The following CCDC148 variants were observed in gnomAD, a reference collection of about 807,000 sequenced individuals.
The protein encoded by CCDC148 is coiled-coil domain containing 148.
In CCDC148, 89 loss-of-function variants were observed where a neutral mutation model predicts 85.7. The observed-to-expected ratio is 1.04, with a 90% CI of 0.87 to 1.24. The LOEUF is 1.24. Among genes scored for constraint, CCDC148 ranks in the 50% most tolerant of loss-of-function variants. CCDC148 has a pLI of 0.00. For synonymous variants in CCDC148, 230 were observed against 213.9 expected, an observed-to-expected ratio of 1.08 and a Z score of -0.66; for missense variants, 692 against 671.7, an observed-to-expected ratio of 1.03 and a Z score of -0.33.
chr2:158,325,544 C>T (rs1316961768), intron 7 of CCDC148, among the ~76,000 whole-genome samples: 1 of 152,158 alleles, frequency 6.6e-6, no homozygotes. Context: ...CATCCAATCT[C>T]ATGCTAATGA....
rs1477014345 is a variant in CCDC148, at chr2:158,247,559, T to C, written c.1251+3213A>G. The stretch of plus-strand genomic sequence containing the variant: ...CTAGCTCACTTCTACTACGGAACAC[T>C]ATGTAGCAATTAAAAGGCCGGGCAT... On this transcript the variant is annotated intron_variant, in intron 10 of 13. Transcript: ENST00000283233. Among the ~76,000 whole-genome samples, 3 of 152,040 alleles carry C rather than the reference T, an allele frequency of 2.0e-5. 1 individual carries two copies. Among genetic ancestry groups the C allele is most frequent in the Middle Eastern group, 6.3e-3 (2 of 316 alleles).
At chr2:158,395,421 T>G (rs1286730002) in intron 1 of CCDC148, among the ~76,000 whole-genome samples, 1 of 152,116 alleles carries the variant, frequency 6.6e-6, no homozygotes, top group Non-Finnish European at 1.5e-5. Flanking sequence ...ATTAACTTCA[T>G]GTTAACAAGT....
intron 1 of CCDC148, among the ~76,000 whole-genome samples, chr2:158,426,347 A>C (rs1228985484): frequency 3.9e-5 from 6 of 152,112 alleles, no homozygotes. Context: ...AGTTAACTGC[A>C]AATGCCGTGT....
At chr2:158,299,877 A>G (rs1331150588) in intron 9 of CCDC148, among the ~76,000 whole-genome samples, 1 of 152,032 alleles carries the variant, frequency 6.6e-6, no homozygotes, top group East Asian at 1.9e-4. Flanking sequence ...AGTTCAAGTG[A>G]TATTTATTCA....
At chr2:158,288,917 G>A (rs528378750) in intron 9 of CCDC148, 3 of 275,464 alleles carry the variant, frequency 1.1e-5, no homozygotes, top group Non-Finnish European at 2.1e-5. Flanking sequence ...GAGGCAAAAG[G>A]CACTTCATAC....
chr2:158,281,860 T>C (rs1485331081), intron 9 of CCDC148, among the ~76,000 whole-genome samples: 2 of 152,122 alleles, frequency 1.3e-5, no homozygotes, highest in Non-Finnish European at 1.5e-5. Flanking sequence ...TTGATGAACA[T>C]TGATGCAAAA....
intron 7 of CCDC148, among the ~76,000 whole-genome samples, chr2:158,322,460 TC>T (rs983378629): frequency 2.0e-5 from 3 of 152,080 alleles, no homozygotes; most frequent in Non-Finnish European, 4.4e-5. Context: ...TAGTTTTTTT[TC>T]ATTTTTATAA....
At chr2:158,280,434 G>C (rs949401639) in intron 9 of CCDC148, among the ~76,000 whole-genome samples, 12 of 152,102 alleles carry the variant, frequency 7.9e-5, no homozygotes, top group South Asian at 2.1e-4. Flanking sequence ...GGAGGAAGAT[G>C]TACCAAGCAA....
At chr2:158,229,480 A>G (rs1157513803) in intron 10 of CCDC148, among the ~76,000 whole-genome samples, 1 of 152,226 alleles carries the variant, frequency 6.6e-6, no homozygotes, top group Non-Finnish European at 1.5e-5. Context: ...ATCTTCAATG[A>G]CAATAAGCAT....
chr2:158,328,842 C>T (rs1692934963), intron 7 of CCDC148, among the ~76,000 whole-genome samples: 1 of 152,262 alleles, frequency 6.6e-6, no homozygotes, highest in East Asian at 1.9e-4. Context: ...ATATCCTTCA[C>T]CCACTTTTTG....
chr2:158,269,546 A>C (rs1227252120), intron 9 of CCDC148, among the ~76,000 whole-genome samples: 1 of 152,154 alleles, frequency 6.6e-6, no homozygotes, highest in African/African-American at 2.4e-5. Context: ...GAAAGTTTAT[A>C]CCCTATTGGT....
chr2:158,323,815 T>C (rs1692630124), intron 7 of CCDC148, among the ~76,000 whole-genome samples: 1 of 151,824 alleles, frequency 6.6e-6, no homozygotes, highest in Admixed American at 6.6e-5. Context: ...AATGGTCTCC[T>C]CTTCACCCTT....
intron 11 of CCDC148, among the ~76,000 whole-genome samples, chr2:158,189,038 A>G (rs1039475830): frequency 2.0e-5 from 3 of 152,018 alleles, no homozygotes; most frequent in Non-Finnish European, 2.9e-5. Flanking sequence ...CCACAATGAG[A>G]TACCATCTCA....
rs1035532213 is a variant in CCDC148 at position 158,389,545 on chromosome 2, C to T, written c.26-30975G>A. Among the ~76,000 whole-genome samples, 11 of 152,140 alleles carry T rather than the reference C, an allele frequency of 7.2e-5. No individual in the cohort carries two copies. In the South Asian group the frequency reaches 1.0e-3, roughly 14 times the overall value. On this transcript the variant is annotated intron_variant, in intron 1 of 13. Transcript: ENST00000283233. ...TTCTTTCAAAAGCACTTATCCATGT[C>T]GTCACAAACTAATTAAAGTAAAACT... is the stretch of plus-strand genomic sequence containing the variant.
At chr2:158,449,509 A>G (rs1688305304) in intron 1 of CCDC148, among the ~76,000 whole-genome samples, 1 of 150,328 alleles carries the variant, frequency 6.7e-6, no homozygotes, top group Admixed American at 6.6e-5. Context: ...GTGCAGTGGT[A>G]GGATCTCGGC....
intron 10 of CCDC148, among the ~76,000 whole-genome samples, chr2:158,224,807 T>C (rs1687407694): frequency 6.6e-6 from 1 of 152,132 alleles, no homozygotes; most frequent in South Asian, 2.1e-4. Context: ...AAGGAAGCAC[T>C]AAACATGGAA....
At chr2:158,212,591 T>C (rs991044797) in intron 11 of CCDC148, among the ~76,000 whole-genome samples, 2 of 152,132 alleles carry the variant, frequency 1.3e-5, no homozygotes, top group African/African-American at 4.8e-5. Flanking sequence ...CCTTCCCAAA[T>C]GGTCATTGAC....
chr2:158,286,374 A>G (rs1021613088), intron 9 of CCDC148, among the ~76,000 whole-genome samples: 2 of 152,220 alleles, frequency 1.3e-5, no homozygotes, highest in African/African-American at 4.8e-5. Flanking sequence ...AAAATTAAAG[A>G]AGACCTCAGT....
At chr2:158,350,282 C>T (rs1283639075) in intron 2 of CCDC148, among the ~76,000 whole-genome samples, 1 of 152,150 alleles carries the variant, frequency 6.6e-6, no homozygotes, top group East Asian at 1.9e-4. Flanking sequence ...AAGAGAAATT[C>T]ACTTTGATAA....
Sources: allele counts gnomAD v4.1 joint callset (sites outside exome capture counted in the v4.1 genomes callset), GRCh38; gene constraint gnomAD v4.1.1; transcripts MANE v1.5; gene names NCBI Gene and HGNC (gene_info 2026-07-23, HGNC 2026-07-21).